PCDHGB2: variants seen among roughly 807,000 people sequenced by gnomAD.
The protein encoded by PCDHGB2 is protocadherin gamma subfamily B, 2, also known as protocadherin gamma-B2.
In PCDHGB2, 55 loss-of-function variants were observed where a neutral mutation model predicts 59.3. The observed-to-expected ratio is 0.93, with a 90% CI of 0.75 to 1.16. The LOEUF is 1.16. PCDHGB2 is among the 50% of genes most tolerant of loss of function. The pLI, the probability that PCDHGB2 is intolerant of heterozygous loss-of-function variation, is 0.00. For synonymous variants in PCDHGB2, 516 were observed against 512.0 expected, an observed-to-expected ratio of 1.01 and a Z score of -0.11; for missense variants, 1,228 against 1,198.5, an observed-to-expected ratio of 1.02 and a Z score of -0.36.
At chr5:141,430,653 A>G (rs2097300223) in intron 1 of PCDHGB2, 4 of 1,073,410 alleles carry the variant, frequency 3.7e-6, no homozygotes, top group Middle Eastern at 2.4e-4. Context: ...TGTGGAAACA[A>G]CGGAGGAGCT....
At chr5:141,495,356 C>A (rs889897990) in intron 2 of PCDHGB2, among the ~76,000 whole-genome samples, 3 of 152,222 alleles carry the variant, frequency 2.0e-5, no homozygotes, top group Non-Finnish European at 4.4e-5. Flanking sequence ...GGCAGCACAG[C>A]TGGAGGTGGA....
chr5:141,383,020 A>T (rs1778718840), intron 1 of PCDHGB2: 1 of 1,613,730 alleles, frequency 6.2e-7, no homozygotes, highest in African/African-American at 1.3e-5. Context: ...GGAGACGGAC[A>T]AAGGGTCCTT....
In PCDHGB2 at chr5:141,415,072, G is replaced by A. The variant is rs558067255; in HGVS notation, c.2421+52516G>A. On this transcript the variant is annotated intron_variant, in intron 1 of 3. Coordinates refer to ENST00000522605, the MANE Select transcript of PCDHGB2 (RefSeq NM_018923.3). ...GGAGCACACGGGCGAGGTGCGCACG[G>A]CGCGAGCCCTGCTGGACAGAGACGC... 6.2e-5 allele frequency: 100 copies of A among 1,613,418 alleles called. No individual in the cohort carries two copies. The East Asian group carries it at 2.0e-3, about 32-fold the overall frequency.
At chr5:141,419,306 C>T in intron 1 of PCDHGB2, 1 of 1,614,032 alleles carries the variant, frequency 6.2e-7, no homozygotes, top group Non-Finnish European at 8.5e-7. Context: ...AGACTTCGGG[C>T]TCAACGGCCG....
At chr5:141,423,042 G>A in intron 1 of PCDHGB2, 1 of 1,614,220 alleles carries the variant, frequency 6.2e-7, no homozygotes, top group Non-Finnish European at 8.5e-7. Context: ...ACGCCTGGCT[G>A]TCCTATCGCC....
At position 141,486,272 on chromosome 5, in the gene PCDHGB2, A is replaced by C. The variant is rs2099627166; in HGVS notation, c.2422-8535A>C. On this transcript the variant is annotated intron_variant, in intron 1 of 3. Transcript: ENST00000522605. The surrounding 1 kb of genome is among the most constrained non-coding windows in gnomAD (Gnocchi z 5.0). ...CCTCCCCGAGAGTGCAGAACCTGGC[A>C]CTGTGGTGGCACTTATCAGTGTGCA... 1 of 1,613,886 alleles carries C rather than the reference A, an allele frequency of 6.2e-7. No individual in the cohort carries two copies. Among genetic ancestry groups the C allele is most frequent in the Non-Finnish European group, 8.5e-7 (1 of 1,179,986 alleles).
chr5:141,504,848 C>G (rs181277525), intron 2 of PCDHGB2, among the ~76,000 whole-genome samples: 1 of 152,236 alleles, frequency 6.6e-6, no homozygotes, highest in Non-Finnish European at 1.5e-5. Context: ...CTGGAACATT[C>G]TCTTCCATTT....
chr5:141,472,980 C>CAAAAAAAAAAAAAAAAAAAAAAA (rs60579131), intron 1 of PCDHGB2, among the ~76,000 whole-genome samples: 6 of 86,066 alleles, frequency 7.0e-5, no homozygotes, highest in Non-Finnish European at 1.0e-4. Context: ...GAGTGAAACT[C>CAAAAAAAAAAAAAAAAAAAAAAA]AAAAAAAAAA....
intron 1 of PCDHGB2, among the ~76,000 whole-genome samples, chr5:141,370,096 C>T (rs1385394099): frequency 6.6e-6 from 1 of 152,154 alleles, no homozygotes; most frequent in Non-Finnish European, 1.5e-5. Context: ...CAGTACACTG[C>T]CGATTTTTCT....
Position 141,477,426 on chromosome 5 carries a change from T to G in PCDHGB2, c.2422-17381T>G. 1 of 1,614,100 alleles carries G rather than the reference T, an allele frequency of 6.2e-7. No individual in the cohort carries two copies. Among genetic ancestry groups the G allele is most frequent in the East Asian group, 2.2e-5 (1 of 44,874 alleles). The stretch of plus-strand genomic sequence containing the variant: ...GCCCGAGACGCCGGAACCCCTTCCC[T>G]CTCAGCCCTTACAATAGTGCGTGTT... On this transcript the variant is annotated intron_variant, in intron 1 of 3. Coordinates refer to ENST00000522605, the MANE Select transcript of PCDHGB2 (RefSeq NM_018923.3). The surrounding 1 kb of genome is among the most constrained non-coding windows in gnomAD (Gnocchi z 4.9).
chr5:141,463,176 C>CA (rs2099054640), intron 1 of PCDHGB2, among the ~76,000 whole-genome samples: 1 of 152,100 alleles, frequency 6.6e-6, no homozygotes, highest in African/African-American at 2.4e-5. Flanking sequence ...TATGTATGCT[C>CA]AGATTATTAT....
intron 1 of PCDHGB2, chr5:141,382,977 C>T: frequency 6.2e-7 from 1 of 1,610,566 alleles, no homozygotes. Context: ...CCTGGGAAGC[C>T]TGGGCAGGAC....
rs1272694679 is a variant in PCDHGB2, at chr5:141,486,884, C to T, written c.2422-7923C>T. 7 of 1,614,106 alleles carry T rather than the reference C, an allele frequency of 4.3e-6. No individual in the cohort carries two copies. The highest frequency in any genetic ancestry group is 1.1e-5 in the South Asian group (1 of 91,082). ...TCCAGCTGTGCTCCGTCCTCGGGCC[C>T]GGCCTGGTTCCTTATGTCCCCAAGC... On this transcript the variant is annotated intron_variant, in intron 1 of 3. Coordinates refer to ENST00000522605, the MANE Select transcript of PCDHGB2 (RefSeq NM_018923.3). The surrounding 1 kb of genome is among the most constrained non-coding windows in gnomAD (Gnocchi z 5.0).
chr5:141,408,362 C>T (rs773344794), intron 1 of PCDHGB2: 36 of 1,613,850 alleles, frequency 2.2e-5, no homozygotes, highest in Non-Finnish European at 3.1e-5. Flanking sequence ...CGCTAAGGAT[C>T]TAGGGCTCAG....
intron 1 of PCDHGB2, chr5:141,383,224 C>T: frequency 6.2e-7 from 1 of 1,613,968 alleles, no homozygotes; most frequent in South Asian, 1.1e-5. Flanking sequence ...CTTTAACATC[C>T]TGATGGAAGA....
In PCDHGB2 at chr5:141,362,544, T is replaced by C. The variant is rs774611354; in HGVS notation, c.2409T>C (p.Asp803=). 4.3e-6 allele frequency: 7 copies of C among 1,613,662 alleles called. No individual in the cohort carries two copies. Among genetic ancestry groups the C allele is most frequent in the East Asian group, 2.2e-5 (1 of 44,906 alleles). The change falls in exon 1 of 4, where the codon GAT becomes GAC. Residue 803 remains aspartate, a synonymous_variant. Coordinates refer to ENST00000522605, the MANE Select transcript of PCDHGB2 (RefSeq NM_018923.3). The stretch of plus-strand genomic sequence containing the variant: ...CCGCTGGGGTCCCTTTTGCCTCAGA[T>C]ACTATTTTGAAGGTGAGCTTTAATT... The part of the protein sequence containing the change: ...HGAAGVPFAS[D]TILKQAPPNT...
intron 1 of PCDHGB2, among the ~76,000 whole-genome samples, chr5:141,457,931 T>G (rs1335457669): frequency 6.6e-6 from 1 of 152,184 alleles, no homozygotes; most frequent in Non-Finnish European, 1.5e-5. Context: ...CCAAGGGGCT[T>G]TTATTGGCTC....
At chr5:141,405,203 C>A in intron 1 of PCDHGB2, 2 of 1,613,520 alleles carry the variant, frequency 1.2e-6, no homozygotes, top group Non-Finnish European at 1.7e-6. Flanking sequence ...AGCTTTCCTA[C>A]AGACCTATTC....
chr5:141,433,029 T>C (rs2097561523), intron 1 of PCDHGB2: 2 of 1,613,998 alleles, frequency 1.2e-6, no homozygotes, highest in African/African-American at 2.7e-5. Flanking sequence ...TCCCACGAGG[T>C]TTCCCTCACC....
Sources: allele counts gnomAD v4.1 joint callset (sites outside exome capture counted in the v4.1 genomes callset), GRCh38; gene constraint gnomAD v4.1.1; non-coding constraint Gnocchi (gnomAD v3.1); transcripts MANE v1.5; gene names NCBI Gene and HGNC (gene_info 2026-07-23, HGNC 2026-07-21).